The following HSPA12A variants were observed in gnomAD, a reference collection of about 807,000 sequenced individuals.
HSPA12A encodes heat shock protein family A (Hsp70) member 12A, also known as heat shock 70 kDa protein 12A.
A neutral mutation model predicts 69.2 loss-of-function variants in HSPA12A; 28 were observed. The ratio of observed to expected loss-of-function variants is 0.40; its 90% CI spans 0.30 to 0.55. The LOEUF (loss-of-function observed/expected upper bound fraction) is 0.55, where lower values mean the gene tolerates loss of function less well. Among genes scored for constraint, HSPA12A ranks in the 20% least tolerant of loss-of-function variants. The pLI is 0.38. For missense variants in HSPA12A, 686 were observed against 900.7 expected, an observed-to-expected ratio of 0.76 and a Z score of 3.05; for synonymous variants, 345 against 370.5, an observed-to-expected ratio of 0.93 and a Z score of 0.79.
chr10:116,684,206 G>T (rs1554879191), intron 6 of HSPA12A, among the ~76,000 whole-genome samples: 1 of 152,142 alleles, frequency 6.6e-6, no homozygotes, highest in Non-Finnish European at 1.5e-5. Flanking sequence ...AAAACACCAG[G>T]TGCTCTGGCT....
intron 2 of HSPA12A, among the ~76,000 whole-genome samples, chr10:116,759,903 A>G (rs1235061182): frequency 5.3e-5 from 8 of 152,192 alleles, no homozygotes; most frequent in Admixed American, 3.9e-4. Context: ...TCCCTGAACA[A>G]GTTCTGTTCT....
chr10:116,778,337 C>T (rs1167430479), intron 2 of HSPA12A, among the ~76,000 whole-genome samples: 2 of 152,192 alleles, frequency 1.3e-5, no homozygotes, highest in African/African-American at 4.8e-5. Context: ...ACTATTCCCC[C>T]CAAAACCTCC....
At chr10:116,719,589 A>C (rs1850711925) in intron 1 of HSPA12A, among the ~76,000 whole-genome samples, 1 of 152,252 alleles carries the variant, frequency 6.6e-6, no homozygotes, top group Admixed American at 6.5e-5. Context: ...TGAACAAATT[A>C]CTGAACTTCT....
intron 4 of HSPA12A, 115 bp downstream of exon 4, chr10:116,700,828 G>T: frequency 2.2e-6 from 2 of 897,418 alleles, no homozygotes; most frequent in Non-Finnish European, 3.5e-6. Context: ...ATTTCTGCTT[G>T]GAAGAGACCA....
chr10:116,711,544 TA>T (rs1850427987), intron 1 of HSPA12A, among the ~76,000 whole-genome samples: 1 of 152,200 alleles, frequency 6.6e-6, no homozygotes, highest in Admixed American at 6.5e-5. Flanking sequence ...GTAGATTAAA[TA>T]AAGGCCTACT....
rs1849201782 is a variant in HSPA12A at position 116,675,310 on chromosome 10, T to C, written c.1499A>G (p.Asp500Gly). 1.1e-5 allele frequency: 18 copies of C among 1,613,044 alleles called. No homozygotes were observed. The highest frequency in any genetic ancestry group is 1.5e-5 in the Non-Finnish European group (18 of 1,179,970). ...LQQAVQAAFGDQCRIIIPQDV... is the reference protein window; with the variant it reads ...LQQAVQAAFGGQCRIIIPQDV... ...CTGGGGGATGATGATCCGGCACTGG[T>C]CCCCAAAAGCAGCCTGCACCGCCTG... is the stretch of plus-strand genomic sequence containing the variant. The change falls in exon 12 of 12, where the codon GAC (aspartate) becomes GGC (glycine). Residue 500 changes from aspartate (D) to glycine (G), a missense_variant. Physicochemically the swap from Asp to Gly is moderately conservative, Grantham distance 94 (BLOSUM62 -1). Coordinates refer to ENST00000369209, the MANE Select transcript of HSPA12A (RefSeq NM_025015.3). The surrounding 1 kb of genome is among the most constrained non-coding windows in gnomAD (Gnocchi z 5.2).
At chr10:116,767,878 C>A (rs1554889938) in intron 2 of HSPA12A, among the ~76,000 whole-genome samples, 1 of 152,180 alleles carries the variant, frequency 6.6e-6, no homozygotes, top group African/African-American at 2.4e-5. Flanking sequence ...GTAACTACCT[C>A]TTCTAATCAC....
chr10:116,750,097 T>C (rs782814087), intron 2 of HSPA12A: 15 of 453,696 alleles, frequency 3.3e-5, no homozygotes, highest in Non-Finnish European at 5.7e-5. Context: ...ACATTGCTTA[T>C]GCCTGTATGG....
chr10:116,834,673 A>T (rs1845678021), intron 2 of HSPA12A, among the ~76,000 whole-genome samples: 1 of 152,124 alleles, frequency 6.6e-6, no homozygotes, highest in Admixed American at 6.5e-5. Flanking sequence ...GTGGCCAGCG[A>T]TGATTCTAGG....
At chr10:116,781,803 T>C (rs114547348) in intron 2 of HSPA12A, among the ~76,000 whole-genome samples, 2,159 of 152,270 alleles carry the variant, frequency 0.014, 62 homozygotes, top group African/African-American at 0.049. Flanking sequence ...GTGTCCTCCT[T>C]GGGTCCAGCT....
At chr10:116,734,992 G>C (rs1452912976) in intron 1 of HSPA12A, among the ~76,000 whole-genome samples, 1 of 151,702 alleles carries the variant, frequency 6.6e-6, no homozygotes, top group Non-Finnish European at 1.5e-5. Context: ...ACTCCGTCTC[G>C]AAAAGAAAAA....
chr10:116,692,955 G>A (rs1849777392), intron 5 of HSPA12A, among the ~76,000 whole-genome samples: 1 of 152,234 alleles, frequency 6.6e-6, no homozygotes, highest in South Asian at 2.1e-4. Context: ...GTCTCACTGC[G>A]CCCCTTTCCT....
intron 2 of HSPA12A, among the ~76,000 whole-genome samples, chr10:116,765,190 A>T (rs1322903285): frequency 6.6e-6 from 1 of 152,204 alleles, no homozygotes; most frequent in Non-Finnish European, 1.5e-5. Context: ...CACTCCAGTG[A>T]CAATGAGCAC....
At chr10:116,818,640 T>A (rs1490725155) in intron 2 of HSPA12A, among the ~76,000 whole-genome samples, 2 of 151,936 alleles carry the variant, frequency 1.3e-5, no homozygotes, top group South Asian at 2.1e-4. Flanking sequence ...CCATGTGCTG[T>A]CCCCACCAAA....
At chr10:116,760,476 C>T (rs941037548) in intron 2 of HSPA12A, among the ~76,000 whole-genome samples, 1 of 152,160 alleles carries the variant, frequency 6.6e-6, no homozygotes, top group Non-Finnish European at 1.5e-5. Flanking sequence ...TCACTCCACA[C>T]CTCTGATCAG....
At chr10:116,790,877 G>A (rs1844688664) in intron 2 of HSPA12A, among the ~76,000 whole-genome samples, 1 of 151,998 alleles carries the variant, frequency 6.6e-6, no homozygotes, top group Non-Finnish European at 1.5e-5. Context: ...TTTTAGTAGA[G>A]ACAGGGTTTC....
chr10:116,778,263 T>C (rs1192225251), intron 2 of HSPA12A, among the ~76,000 whole-genome samples: 1 of 152,228 alleles, frequency 6.6e-6, no homozygotes, highest in African/African-American at 2.4e-5. Flanking sequence ...GTAGGTTTTT[T>C]CTTTCATGAA....
chr10:116,674,981 CGTT>C lies in HSPA12A; in HGVS notation c.1825_1827del (p.Asn609del), dbSNP rs782642916. ...ACCCCGGGATCAGTGATGAAGCTGA[CGTT>C]GTCGTGCTCAGAGCTGTAGATGTTG... On this transcript the variant is annotated inframe_deletion, in exon 12 of 12. Coordinates refer to ENST00000369209, the MANE Select transcript of HSPA12A (RefSeq NM_025015.3). The C allele has an allele frequency of 4.3e-6, 7 of 1,614,142 alleles. No individual in the cohort carries two copies. Among genetic ancestry groups the C allele is most frequent in the Non-Finnish European group, 4.2e-6 (5 of 1,180,020 alleles).
upstream of HSPA12A, among the ~76,000 whole-genome samples, chr10:116,746,226 T>C (rs529193475): frequency 7.9e-5 from 12 of 151,904 alleles, no homozygotes; most frequent in Admixed American, 3.3e-4. Flanking sequence ...CATCCATTCA[T>C]GCAAATAGAA....
Sources: gnomAD v4.1 joint callset for allele counts (sites outside exome capture counted in the v4.1 genomes callset) on GRCh38, gnomAD v4.1.1 for gene constraint, Gnocchi (gnomAD v3.1) non-coding constraint, MANE v1.5 for transcripts, NCBI Gene and HGNC (gene_info 2026-07-23, HGNC 2026-07-21) for gene names.